CDH13: variants seen among roughly 807,000 people sequenced by gnomAD.
The protein encoded by CDH13 is cadherin 13, also known as cadherin-13.
A neutral mutation model predicts 63.8 loss-of-function variants in CDH13; 24 were observed. The observed-to-expected ratio is 0.38, with a 90% CI of 0.27 to 0.53. The LOEUF (loss-of-function observed/expected upper bound fraction) is 0.53, where lower values mean the gene tolerates loss of function less well. Among genes scored for constraint, CDH13 ranks in the 20% least tolerant of loss-of-function variants. The pLI is 0.85. For synonymous variants in CDH13, 503 were observed against 355.3 expected (o/e 1.42, Z -4.67); for missense variants, 1,049 against 903.1 (o/e 1.16, Z -2.07).
intron 10 of CDH13, among the ~76,000 whole-genome samples, chr16:83,732,577 C>G (rs1490133454): frequency 6.6e-6 from 1 of 152,212 alleles, no homozygotes; most frequent in African/African-American, 2.4e-5. Context: ...TACACTAGTG[C>G]TAATGTAGAA....
chr16:83,346,045 C>A (rs1020405380), intron 6 of CDH13, among the ~76,000 whole-genome samples: 1 of 152,150 alleles, frequency 6.6e-6, no homozygotes, highest in South Asian at 2.1e-4. Flanking sequence ...TAAAACCTCC[C>A]GTCAGCTTCA....
chr16:82,764,733 G>A (rs967593505), intron 1 of CDH13, among the ~76,000 whole-genome samples: 4 of 151,934 alleles, frequency 2.6e-5, no homozygotes, highest in Admixed American at 1.3e-4. Context: ...TTTGTTTGCT[G>A]GTTTGTGTCC....
chr16:82,748,057 C>T (rs543752519), intron 1 of CDH13, among the ~76,000 whole-genome samples: 5 of 152,232 alleles, frequency 3.3e-5, no homozygotes, highest in South Asian at 2.1e-4. Context: ...AAATGCCTTC[C>T]GTGGGTCCAG....
intron 1 of CDH13, among the ~76,000 whole-genome samples, chr16:82,790,028 C>T (rs1360846494): frequency 6.6e-6 from 1 of 152,162 alleles, no homozygotes; most frequent in Non-Finnish European, 1.5e-5. Flanking sequence ...TGAAGGACTT[C>T]TTCTTACCTA....
chr16:82,931,989 A>C (rs556804547), intron 2 of CDH13, among the ~76,000 whole-genome samples: 2 of 152,270 alleles, frequency 1.3e-5, no homozygotes, highest in East Asian at 3.9e-4. Flanking sequence ...TCAGAATGAA[A>C]AGGGGGGCAC....
chr16:83,179,147 A>T (rs1313883471), intron 4 of CDH13, among the ~76,000 whole-genome samples: 1 of 152,088 alleles, frequency 6.6e-6, no homozygotes, highest in African/African-American at 2.4e-5. Flanking sequence ...TCCTTGGAAA[A>T]CTGCCTTAGT....
intron 8 of CDH13, among the ~76,000 whole-genome samples, chr16:83,648,404 G>A (rs56306512): frequency 1.3e-5 from 2 of 152,038 alleles, no homozygotes; most frequent in Non-Finnish European, 2.9e-5. Context: ...AGAAGGTAAG[G>A]CTTCATGGTA....
At chr16:83,748,395 C>T (rs1297939916) in intron 11 of CDH13, 145 bp downstream of exon 11, 2 of 698,352 alleles carry the variant, frequency 2.9e-6, no homozygotes, top group Non-Finnish European at 4.7e-6. Flanking sequence ...TTTAAATATA[C>T]ACATGTTGAG....
intron 1 of CDH13, among the ~76,000 whole-genome samples, chr16:82,818,998 C>T (rs911324172): frequency 2.6e-5 from 4 of 152,098 alleles, no homozygotes; most frequent in Non-Finnish European, 2.9e-5. Context: ...GAGGTGCTGT[C>T]GAAGATTGTG....
chr16:82,996,950 GA>G (rs200638720), intron 2 of CDH13, among the ~76,000 whole-genome samples: 18,978 of 151,824 alleles, frequency 0.12, 1,538 homozygotes, highest in African/African-American at 0.23. Context: ...TGGTGTTGTT[GA>G]TGATGGTGGT....
intron 2 of CDH13, among the ~76,000 whole-genome samples, chr16:83,031,418 G>T (rs12598435): frequency 6.8e-6 from 1 of 146,658 alleles, no homozygotes; most frequent in Admixed American, 6.8e-5. Flanking sequence ...ATGTATACAC[G>T]TATATGGTAT....
At chr16:82,869,151 A>G (rs1028647246) in intron 2 of CDH13, among the ~76,000 whole-genome samples, 7 of 152,114 alleles carry the variant, frequency 4.6e-5, no homozygotes, top group Admixed American at 6.5e-5. Flanking sequence ...GGTTCAAGCT[A>G]TTCTCATGCC....
chr16:83,200,096 C>T (rs750037539), intron 4 of CDH13, among the ~76,000 whole-genome samples: 1 of 152,108 alleles, frequency 6.6e-6, no homozygotes, highest in Admixed American at 6.6e-5. Context: ...GGTGCTGATA[C>T]GCTTGTTCAG....
At chr16:82,868,898 CTT>C (rs1463188812) in intron 2 of CDH13, among the ~76,000 whole-genome samples, 2 of 152,136 alleles carry the variant, frequency 1.3e-5, no homozygotes, top group African/African-American at 2.4e-5. Flanking sequence ...AACTAAGTAA[CTT>C]TGGCAAGTTG....
chr16:82,972,601 G>A (rs1487428924), intron 2 of CDH13, among the ~76,000 whole-genome samples: 7 of 152,140 alleles, frequency 4.6e-5, no homozygotes, highest in Admixed American at 3.3e-4. Flanking sequence ...TAGCTGGGAC[G>A]GAAAATGCAT....
At chr16:82,928,487 C>A (rs1022677137) in intron 2 of CDH13, among the ~76,000 whole-genome samples, 4 of 152,222 alleles carry the variant, frequency 2.6e-5, no homozygotes, top group Non-Finnish European at 5.9e-5. Flanking sequence ...GTGTTCTATT[C>A]AATTCCACAC....
At chr16:83,018,901 C>G (rs921782528) in intron 2 of CDH13, among the ~76,000 whole-genome samples, 1 of 152,144 alleles carries the variant, frequency 6.6e-6, no homozygotes, top group East Asian at 1.9e-4. Flanking sequence ...AAAATTGGCA[C>G]ACCTGTATAG....
intron 1 of CDH13, among the ~76,000 whole-genome samples, chr16:82,728,003 T>G (rs186066691): frequency 1.3e-5 from 2 of 152,330 alleles, no homozygotes; most frequent in East Asian, 3.9e-4. Flanking sequence ...TCAGCTTCTC[T>G]ACTCATTACT....
intron 1 of CDH13, among the ~76,000 whole-genome samples, chr16:82,790,521 C>G (rs1280628994): frequency 1.3e-5 from 2 of 152,126 alleles, no homozygotes; most frequent in Non-Finnish European, 2.9e-5. Context: ...TATTAATAGA[C>G]ATACAAAAAA....
Sources: allele counts gnomAD v4.1 joint callset (sites outside exome capture counted in the v4.1 genomes callset), GRCh38; gene constraint gnomAD v4.1.1; transcripts MANE v1.5; gene names NCBI Gene and HGNC (gene_info 2026-07-23, HGNC 2026-07-21).